Variants in TRIP13 observed in about 807,000 individuals in gnomAD.
TRIP13 encodes pachytene checkpoint protein 2 homolog.
Under a neutral mutation model 54.4 loss-of-function variants are expected in TRIP13, and 25 were observed. The observed-to-expected ratio is 0.46, with a 90% CI of 0.33 to 0.64. TRIP13 has a LOEUF of 0.64. Among genes scored for constraint, TRIP13 ranks in the 30% least tolerant of loss-of-function variants. TRIP13 has a pLI of 0.02. For synonymous variants in TRIP13, 207 were observed against 207.8 expected (o/e 1.00, Z 0.03); for missense variants, 373 against 534.2 (o/e 0.70, Z 2.97).
At position 915,867 on chromosome 5, in the gene TRIP13, T is replaced by C. The variant is rs746136371; in HGVS notation, c.1134-37T>C. Reference sequence around the variant, plus strand: ...ATTAGTCCTGAAACGTGTGATTGTATAAATTGCTGTCTCTGAACTGGGTTT... The same window carrying C: ...ATTAGTCCTGAAACGTGTGATTGTACAAATTGCTGTCTCTGAACTGGGTTT... On this transcript the variant is annotated intron_variant, in intron 11 of 12. Coordinates refer to ENST00000166345, the MANE Select transcript of TRIP13 (RefSeq NM_004237.4). The surrounding 1 kb of genome is among the most constrained non-coding windows in gnomAD (Gnocchi z 4.2). 5.0e-6 allele frequency: 8 copies of C among 1,611,358 alleles called. No homozygotes were observed. The highest frequency in any genetic ancestry group is 1.6e-4 in the Middle Eastern group (1 of 6,062).
At chr5:904,754 C>T (rs1022193374) in intron 6 of TRIP13, among the ~76,000 whole-genome samples, 5 of 151,918 alleles carry the variant, frequency 3.3e-5, no homozygotes, top group African/African-American at 4.8e-5. Flanking sequence ...GACTGATTTT[C>T]TACATCGTCT....
rs565604430 is a variant in TRIP13, at chr5:912,646, C to T, written c.1020+650C>T. 2.7e-5 allele frequency among the ~76,000 whole-genome samples: 4 copies of T among 147,230 alleles called. No individual in the cohort carries two copies. The highest frequency in any genetic ancestry group is 6.0e-5 in the Non-Finnish European group (4 of 67,022). The stretch of plus-strand genomic sequence containing the variant: ...GTCGCCACGGGCACAATGACATGTG[C>T]GGTGAGTGTGAGTCAGTAAGGCCGT... On this transcript the variant is annotated intron_variant, in intron 10 of 12. Coordinates refer to ENST00000166345, the MANE Select transcript of TRIP13 (RefSeq NM_004237.4). The surrounding 1 kb of genome is among the most constrained non-coding windows in gnomAD (Gnocchi z 7.2).
intron 11 of TRIP13, among the ~76,000 whole-genome samples, chr5:914,799 C>T (rs149737604): frequency 2.1e-4 from 32 of 150,852 alleles, no homozygotes; most frequent in African/African-American, 7.4e-4. Flanking sequence ...GTAACCCTTG[C>T]TCAGGGAGGG....
chr5:904,126 T>A (rs764161751), intron 5 of TRIP13, 22 bp from the exon 6 acceptor site: 15 of 1,593,996 alleles, frequency 9.4e-6, no homozygotes, highest in Middle Eastern at 1.7e-4. Flanking sequence ...TAAAAATATA[T>A]TTGCTTGGAT....
intron 6 of TRIP13, among the ~76,000 whole-genome samples, chr5:906,302 T>C (rs968948569): frequency 2.0e-5 from 3 of 152,176 alleles, no homozygotes; most frequent in African/African-American, 7.2e-5. Context: ...TATGCATTGG[T>C]TTTATGGCTT....
chr5:910,590 T>C (rs1450834299), intron 9 of TRIP13, among the ~76,000 whole-genome samples: 1 of 152,178 alleles, frequency 6.6e-6, no homozygotes, highest in Non-Finnish European at 1.5e-5. Flanking sequence ...CCGTGACTTC[T>C]CCCTGTCAGT....
chr5:892,964 G>C lies in TRIP13; in HGVS notation c.-35G>C. 6.8e-7 allele frequency: 1 copy of C among 1,468,956 alleles called. No homozygotes were observed. The highest frequency in any genetic ancestry group is 9.0e-7 in the Non-Finnish European group (1 of 1,113,004). 91.0% of individuals were successfully genotyped at this position (1,468,956 alleles called of 1,614,324 possible). A position where few individuals can be genotyped will look rare whatever the true frequency, so the allele number is the denominator to read the frequency against. ...CTGGGCGTGAGGTGGCGGCGGCCGC[G>C]CCCTGGTTGGGTCCCCACTGCTCTC... On this transcript the variant is annotated 5_prime_UTR_variant, in exon 1 of 13. Transcript: ENST00000166345.
At chr5:896,503 C>G (rs950726106) in intron 2 of TRIP13, among the ~76,000 whole-genome samples, 162 bp from the exon 3 acceptor site, 1 of 152,150 alleles carries the variant, frequency 6.6e-6, no homozygotes, top group Non-Finnish European at 1.5e-5. Flanking sequence ...AGCCAATCCT[C>G]AATCTGAAAT....
chr5:908,139 T>G lies in TRIP13; in HGVS notation c.759+65T>G. The G allele has an allele frequency of 6.4e-7, 1 of 1,561,816 alleles. No homozygotes were observed. Among genetic ancestry groups the G allele is most frequent in the Non-Finnish European group, 8.8e-7 (1 of 1,132,846 alleles). ...CTTTTGCCATTGTGGGGACACAGCC[T>G]ACTCCTGATGCTCCTAGCTTTCCCC... is the stretch of plus-strand genomic sequence containing the variant. On this transcript the variant is annotated intron_variant, in intron 8 of 12. Coordinates refer to ENST00000166345, the MANE Select transcript of TRIP13 (RefSeq NM_004237.4). This position sits in a 1 kb window ranked among gnomAD's most constrained non-coding sequence, Gnocchi z 5.2.
rs559047299 is a variant in TRIP13, at chr5:911,284, T to G, written c.867-559T>G. Among the ~76,000 whole-genome samples, 23 of 152,294 alleles carry G rather than the reference T, an allele frequency of 1.5e-4. No homozygotes were observed. The East Asian group carries it at 4.5e-3, about 30-fold the overall frequency. On this transcript the variant is annotated intron_variant, in intron 9 of 12. Transcript: ENST00000166345. The surrounding 1 kb of genome is among the most constrained non-coding windows in gnomAD (Gnocchi z 4.7). ...GGAACGCCATGCGAAAGTGAGATCC[T>G]TGCTAGGCCGGGCGCGGTGGCTTAC...
Position 917,062 on chromosome 5 carries a change from A to G in TRIP13, c.1258A>G (p.Lys420Glu), listed in dbSNP as rs1488843431. The part of the protein sequence containing the change: ...FLQALSLAVD[K>E]QFEERKKLAA... ...CCAGGCCCTGTCTCTGGCAGTGGACAAGCAGTTTGAAGAGAGAAAGAAGCT... is the reference window on the plus strand; with the variant it reads ...CCAGGCCCTGTCTCTGGCAGTGGACGAGCAGTTTGAAGAGAGAAAGAAGCT... The change falls in exon 13 of 13, where the codon AAG becomes GAG. Residue 420 changes from lysine (K) to glutamate (E), a missense_variant. Physicochemically the swap from Lys to Glu is moderately conservative, Grantham distance 56. Coordinates refer to ENST00000166345, the MANE Select transcript of TRIP13 (RefSeq NM_004237.4). The G allele has an allele frequency of 1.2e-6, 2 of 1,613,934 alleles. No homozygotes were observed. Among genetic ancestry groups the G allele is most frequent in the East Asian group, 2.2e-5 (1 of 44,870 alleles).
chr5:907,222 C>T lies in TRIP13; in HGVS notation c.672+29C>T. On this transcript the variant is annotated intron_variant, in intron 7 of 12. Transcript: ENST00000166345. The surrounding 1 kb of genome is among the most constrained non-coding windows in gnomAD (Gnocchi z 4.1). The stretch of plus-strand genomic sequence containing the variant: ...AGTATTAAATATTAATTCTAATTGT[C>T]TGGATTGTATAGCTGAAAAAATGTC... 1 of 1,584,958 alleles carries T rather than the reference C, an allele frequency of 6.3e-7. No homozygotes were observed. Among genetic ancestry groups the T allele is most frequent in the Non-Finnish European group, 8.7e-7 (1 of 1,154,152 alleles).
At chr5:894,754 A>G in intron 1 of TRIP13, 33 bp from the exon 2 acceptor site, 1 of 1,572,240 alleles carries the variant, frequency 6.4e-7, no homozygotes, top group Non-Finnish European at 8.6e-7. Context: ...TTGAACTAAG[A>G]TCATTTATGT....
In TRIP13 at chr5:907,917, A is replaced by G. The variant is rs567005328; in HGVS notation, c.673-71A>G. 44 of 1,520,014 alleles carry G rather than the reference A, an allele frequency of 2.9e-5. No homozygotes were observed. In the African/African-American group the frequency reaches 4.2e-4, roughly 15 times the overall value. 94.2% of individuals were successfully genotyped at this position (1,520,014 alleles called of 1,614,324 possible). ...GGGGACAACTGGGGCAGCAGGCCAC[A>G]TCAGGGTCCCCCTGTGCACCTGGCA... On this transcript the variant is annotated intron_variant, in intron 7 of 12. Transcript: ENST00000166345. This position sits in a 1 kb window ranked among gnomAD's most constrained non-coding sequence, Gnocchi z 4.1.
At chr5:895,971 C>T (rs532891909) in intron 2 of TRIP13, among the ~76,000 whole-genome samples, 1 of 152,314 alleles carries the variant, frequency 6.6e-6, no homozygotes, top group Admixed American at 6.5e-5. Flanking sequence ...AGATTTCTAT[C>T]TACCAATGTA....
At chr5:903,957 G>C (rs1469047094) in intron 5 of TRIP13, among the ~76,000 whole-genome samples, 191 bp from the exon 6 acceptor site, 1 of 151,996 alleles carries the variant, frequency 6.6e-6, no homozygotes, top group Non-Finnish European at 1.5e-5. Context: ...AAATAAGAAA[G>C]AGGGGGAGAC....
chr5:893,379 C>T (rs1342722988), intron 1 of TRIP13, among the ~76,000 whole-genome samples: 1 of 123,134 alleles, frequency 8.1e-6, no homozygotes, highest in Non-Finnish European at 1.6e-5. Flanking sequence ...TGGCCCTGAC[C>T]CTGCCCCTGC....
At position 906,803 on chromosome 5, in the gene TRIP13, T is replaced by C. The variant is rs190891046; in HGVS notation, c.609-327T>C. Among the ~76,000 whole-genome samples, 75 of 152,340 alleles carry C rather than the reference T, an allele frequency of 4.9e-4. 4 individuals are homozygous for C. In the East Asian group the frequency reaches 6.4e-3, roughly 13 times the overall value. On this transcript the variant is annotated intron_variant, in intron 6 of 12. Transcript: ENST00000166345. ...ATGCTCAGCTCCTGCCAAAAGCTCT[T>C]GATGCTTCTATTTTGTTTTGTTTTC...
chr5:912,053 T>C lies in TRIP13; in HGVS notation c.1020+57T>C. On this transcript the variant is annotated intron_variant, in intron 10 of 12. Transcript: ENST00000166345. The surrounding 1 kb of genome is among the most constrained non-coding windows in gnomAD (Gnocchi z 7.2). ...AATGGATTTCTTATATGTTCTTAATTAATTAAGATAGCTTAAAATAAGCTC... is the reference window on the plus strand; with the variant it reads ...AATGGATTTCTTATATGTTCTTAATCAATTAAGATAGCTTAAAATAAGCTC... 1 of 1,559,578 alleles carries C rather than the reference T, an allele frequency of 6.4e-7. No individual in the cohort carries two copies. The highest frequency in any genetic ancestry group is 1.2e-5 in the South Asian group (1 of 83,726).
Sources: allele counts gnomAD v4.1 joint callset (sites outside exome capture counted in the v4.1 genomes callset), GRCh38; gene constraint gnomAD v4.1.1; non-coding constraint Gnocchi (gnomAD v3.1); transcripts MANE v1.5; gene names NCBI Gene and HGNC (gene_info 2026-07-23, HGNC 2026-07-21).